Variants in SGCD observed in about 807,000 individuals in gnomAD.
SGCD encodes the protein sarcoglycan delta.
A neutral mutation model predicts 36.6 loss-of-function variants in SGCD; 18 were observed. That is an observed-to-expected ratio of 0.49 (90% CI 0.34 to 0.73). The LOEUF (loss-of-function observed/expected upper bound fraction) is 0.73. Among genes scored for constraint, SGCD ranks in the 30% least tolerant of loss-of-function variants. The pLI is 0.01. For synonymous variants in SGCD, 133 were observed against 130.6 expected (o/e 1.02, Z -0.12); for missense variants, 387 against 346.7 (o/e 1.12, Z -0.92).
intron 1 of SGCD, among the ~76,000 whole-genome samples, chr5:156,049,965 G>A (rs80115108): frequency 0.072 from 10,524 of 146,438 alleles, 1,687 homozygotes; most frequent in African/African-American, 0.24. Context: ...CTTTTGAATG[G>A]GCAAAGAAAG....
chr5:156,088,727 C>T lies in SGCD; in HGVS notation c.-281-29151C>T, dbSNP rs181232163. Among the ~76,000 whole-genome samples, 172 of 152,056 alleles carry T rather than the reference C, an allele frequency of 1.1e-3. 2 individuals carry two copies. The highest frequency in any genetic ancestry group is 4.0e-3 in the African/African-American group (165 of 41,452). On this transcript the variant is annotated intron_variant, in intron 1 of 9. Coordinates refer to the SGCD transcript ENST00000517913. ...TAAAGACAAAGTCTCACTATGTTGC[C>T]CAGCCTGCAAGTGTTTCATTCTATT...
intron 3 of SGCD, among the ~76,000 whole-genome samples, chr5:156,462,784 A>C (rs1754543116): frequency 6.6e-6 from 1 of 152,064 alleles, no homozygotes; most frequent in Non-Finnish European, 1.5e-5. Flanking sequence ...TTGGTACAAA[A>C]GTAATTGCAG....
At chr5:156,640,941 T>A (rs1763004646) in intron 6 of SGCD, among the ~76,000 whole-genome samples, 1 of 152,212 alleles carries the variant, frequency 6.6e-6, no homozygotes, top group Non-Finnish European at 1.5e-5. Context: ...CTTTCTAGCA[T>A]CTGTGTATTG....
intron 7 of SGCD, among the ~76,000 whole-genome samples, chr5:156,757,203 A>C (rs1198972543): frequency 6.7e-6 from 1 of 148,460 alleles, no homozygotes; most frequent in African/African-American, 2.5e-5. Flanking sequence ...AGGACAAAGT[A>C]GAAAGGATAC....
chr5:156,371,571 G>C (rs1770386835), intron 3 of SGCD, among the ~76,000 whole-genome samples: 1 of 152,198 alleles, frequency 6.6e-6, no homozygotes, highest in Non-Finnish European at 1.5e-5. Flanking sequence ...CCCTGGAATT[G>C]TTCCATCAGA....
chr5:155,823,062 A>ATATC, the SGCD span, among the ~76,000 whole-genome samples: 27,005 of 145,102 alleles, frequency 0.19, 2,563 homozygotes, highest in African/African-American at 0.22. Context: ...CTATATCTCT[A>ATATC]TATCTATCTA....
At chr5:155,824,777 C>T in the SGCD span, among the ~76,000 whole-genome samples, 1 of 152,108 alleles carries the variant, frequency 6.6e-6, no homozygotes, top group Non-Finnish European at 1.5e-5. Flanking sequence ...CATACACAGG[C>T]TTCGTTGTTG....
At chr5:155,973,495 C>T (rs1758045912) in intron 1 of SGCD, among the ~76,000 whole-genome samples, 1 of 152,172 alleles carries the variant, frequency 6.6e-6, no homozygotes, top group Non-Finnish European at 1.5e-5. Context: ...GTTCAGCTCA[C>T]ACTTGTCAAT....
At chr5:156,293,705 G>C (rs1337095600) in intron 3 of SGCD, among the ~76,000 whole-genome samples, 1 of 151,950 alleles carries the variant, frequency 6.6e-6, no homozygotes, top group Non-Finnish European at 1.5e-5. Context: ...ACATTGTTTT[G>C]ATTATTGAGG....
At chr5:156,587,732 T>C (rs1456139495) in intron 4 of SGCD, among the ~76,000 whole-genome samples, 1 of 152,160 alleles carries the variant, frequency 6.6e-6, no homozygotes, top group African/African-American at 2.4e-5. Context: ...TCTATTCTTT[T>C]CAAGGCTTAG....
rs576086496 is a variant in SGCD at position 156,487,098 on chromosome 5, G to A, written c.193-21503G>A. ...AGGTGGTATATGCTGCCAGGAACCC[G>A]AAGATGCATACCCAGCCTGCTGCCA... On this transcript the variant is annotated intron_variant, in intron 3 of 8. Coordinates refer to ENST00000337851, the MANE Select transcript of SGCD (RefSeq NM_000337.6). 5.0e-4 allele frequency among the ~76,000 whole-genome samples: 76 copies of A among 152,258 alleles called. 1 individual carries two copies. The highest frequency in any genetic ancestry group is 1.7e-3 in the African/African-American group (69 of 41,544).
At chr5:156,615,707 A>T (rs868027354) in intron 6 of SGCD, among the ~76,000 whole-genome samples, 11 of 152,154 alleles carry the variant, frequency 7.2e-5, no homozygotes, top group African/African-American at 1.9e-4. Flanking sequence ...CCTGCTCTCT[A>T]TGGGAGCTCT....
intron 3 of SGCD, among the ~76,000 whole-genome samples, chr5:156,345,877 C>T (rs1360757985): frequency 6.6e-6 from 1 of 152,004 alleles, no homozygotes; most frequent in Non-Finnish European, 1.5e-5. Context: ...CATAGTCACA[C>T]TTTCTTGCCT....
intron 1 of SGCD, among the ~76,000 whole-genome samples, chr5:156,087,043 C>T (rs1761115930): frequency 6.6e-6 from 1 of 152,170 alleles, no homozygotes; most frequent in South Asian, 2.1e-4. Flanking sequence ...TTGCAAGCCT[C>T]TGGGAAAGTC....
the SGCD span, among the ~76,000 whole-genome samples, chr5:155,731,220 T>C: frequency 1.3e-5 from 2 of 150,532 alleles, no homozygotes; most frequent in African/African-American, 4.9e-5. Context: ...GACAAGAAAG[T>C]TACAGGGTAG....
At chr5:156,019,723 C>T (rs1382217364) in intron 1 of SGCD, among the ~76,000 whole-genome samples, 1 of 152,332 alleles carries the variant, frequency 6.6e-6, no homozygotes, top group East Asian at 1.9e-4. Context: ...ATCCATCCAG[C>T]ATGACATCAT....
chr5:156,084,670 G>A (rs911967531), intron 1 of SGCD, among the ~76,000 whole-genome samples: 12 of 152,208 alleles, frequency 7.9e-5, no homozygotes, highest in African/African-American at 1.7e-4. Flanking sequence ...CTTTCTCTTC[G>A]TTATGTCTGC....
chr5:155,913,919 A>G (rs959431764), intron 1 of SGCD, among the ~76,000 whole-genome samples: 1 of 152,232 alleles, frequency 6.6e-6, no homozygotes, highest in Non-Finnish European at 1.5e-5. Flanking sequence ...TCTCATGAAT[A>G]TAGGCTAGAA....
exon 2 of SGCD, chr5:156,117,905 T>C (rs1056190908): frequency 6.6e-6 from 1 of 152,192 alleles, no homozygotes; most frequent in African/African-American, 2.4e-5. Flanking sequence ...TCTGACTTCA[T>C]GTGTCACTAA....
Sources: gnomAD v4.1 joint callset for allele counts (sites outside exome capture counted in the v4.1 genomes callset) on GRCh38, gnomAD v4.1.1 for gene constraint, MANE v1.5 for transcripts, NCBI Gene and HGNC (gene_info 2026-07-23, HGNC 2026-07-21) for gene names.